The following RUFY3 variants were observed in gnomAD, a reference collection of about 807,000 sequenced individuals.
The protein encoded by RUFY3 is RUN and FYVE domain containing 3, also known as protein RUFY3.
RUFY3 carries 34 observed loss-of-function variants against 84.0 expected under a neutral mutation model. The observed-to-expected ratio is 0.40, with a 90% CI of 0.31 to 0.54. The LOEUF (loss-of-function observed/expected upper bound fraction) is 0.54, where lower values mean the gene tolerates loss of function less well. Among genes scored for constraint, RUFY3 ranks in the 20% least tolerant of loss-of-function variants. The pLI is 0.39. For missense variants in RUFY3, 507 were observed against 736.8 expected, an observed-to-expected ratio of 0.69 and a Z score of 3.61; for synonymous variants, 242 against 252.9, an observed-to-expected ratio of 0.96 and a Z score of 0.41.
At chr4:70,726,042 G>C (rs1172942806) in intron 1 of RUFY3, among the ~76,000 whole-genome samples, 2 of 152,232 alleles carry the variant, frequency 1.3e-5, no homozygotes, top group African/African-American at 2.4e-5. Context: ...TCTGGCAACA[G>C]TGTAGTGAAT....
intron 7 of RUFY3, 90 bp downstream of exon 7, chr4:70,775,323 C>T: frequency 1.2e-6 from 1 of 804,564 alleles, no homozygotes; most frequent in South Asian, 2.0e-5. Context: ...TAAATTCAGA[C>T]AGTGTTCAAC....
At chr4:70,804,761 C>CAAAA (rs1186156048) in intron 17 of RUFY3, among the ~76,000 whole-genome samples, 3 of 76,848 alleles carry the variant, frequency 3.9e-5, no homozygotes, top group South Asian at 4.1e-4. Context: ...ACTAAAAATA[C>CAAAA]AAAAAAAAAA....
chr4:70,806,455 T>G (rs1732858474), intron 17 of RUFY3, 61 bp from the exon 18 acceptor site: 3 of 1,587,470 alleles, frequency 1.9e-6, no homozygotes, highest in Admixed American at 3.4e-5. Flanking sequence ...GCTTTTTATA[T>G]CCCATGAATC....
chr4:70,751,611 G>A (rs1723144598), intron 1 of RUFY3, among the ~76,000 whole-genome samples: 1 of 152,006 alleles, frequency 6.6e-6, no homozygotes, highest in South Asian at 2.1e-4. Context: ...TTTCTCTTCT[G>A]TTGTTAAATC....
chr4:70,793,300 T>C (rs1731094225), intron 12 of RUFY3: 1 of 999,132 alleles, frequency 1.0e-6, no homozygotes, highest in South Asian at 4.4e-5. Context: ...TATATGTGGT[T>C]TGGGGGAAAG....
intron 1 of RUFY3, among the ~76,000 whole-genome samples, chr4:70,746,146 C>T (rs1381568265): frequency 1.3e-5 from 2 of 152,074 alleles, no homozygotes; most frequent in Non-Finnish European, 2.9e-5. Flanking sequence ...GAGTTCAAGG[C>T]CAGCCTGGGC....
At chr4:70,737,982 CTTTTT>C (rs747096904) in intron 1 of RUFY3, among the ~76,000 whole-genome samples, 5 of 121,272 alleles carry the variant, frequency 4.1e-5, no homozygotes, top group African/African-American at 9.7e-5. Flanking sequence ...CTATTAATTC[CTTTTT>C]TTTTTTTTTT....
chr4:70,774,865 A>T (rs549422685), intron 6 of RUFY3, among the ~76,000 whole-genome samples: 1 of 151,642 alleles, frequency 6.6e-6, no homozygotes, highest in Non-Finnish European at 1.5e-5. Context: ...TAACAAGAAA[A>T]TTTTTATCCT....
rs143779018 is a variant in RUFY3 at position 70,742,546 on chromosome 4, A to G, written c.178+19795A>G. On this transcript the variant is annotated intron_variant, in intron 1 of 17. Transcript: ENST00000381006. ...CTTCAGTCCTTATGGGATTTCCACA[A>G]TTTACTCTTTGACAGCTTTGGCCCA... Among the ~76,000 whole-genome samples the G allele has an allele frequency of 2.6e-3, 392 of 152,192 alleles. 1 individual carries two copies. The highest frequency in any genetic ancestry group is 4.4e-3 in the Non-Finnish European group (302 of 68,000).
chr4:70,741,757 C>A, intron 1 of RUFY3: 1 of 1,107,096 alleles, frequency 9.0e-7, no homozygotes, highest in Non-Finnish European at 1.2e-6. Flanking sequence ...AATTGTTTTC[C>A]GTAAGAGGAA....
intron 14 of RUFY3, among the ~76,000 whole-genome samples, chr4:70,796,064 T>C (rs1247375563): frequency 1.3e-5 from 2 of 152,176 alleles, no homozygotes; most frequent in Non-Finnish European, 2.9e-5. Flanking sequence ...TGGTGGCACA[T>C]GCCTCTAGTC....
At chr4:70,799,319 A>C (rs2616456) in intron 14 of RUFY3, 26,371 of 151,994 alleles carry the variant, frequency 0.17, 4,664 homozygotes, top group African/African-American at 0.45. Flanking sequence ...ACGGGTGGAT[A>C]ATTTGAGGTC....
rs142944533 is a variant in RUFY3, at chr4:70,781,216, G to A, written c.895-1875G>A. Among the ~76,000 whole-genome samples, 174 of 152,284 alleles carry A rather than the reference G, an allele frequency of 1.1e-3. 1 individual carries two copies. Among genetic ancestry groups the A allele is most frequent in the African/African-American group, 4.0e-3 (165 of 41,568 alleles). ...ATATCCACTTCAGGCCTGGCACAGT[G>A]ACTCACACCTGTAATCCCAGCCCTT... is the stretch of plus-strand genomic sequence containing the variant. On this transcript the variant is annotated intron_variant, in intron 8 of 17. Transcript: ENST00000381006.
intron 1 of RUFY3, among the ~76,000 whole-genome samples, chr4:70,709,107 A>G (rs1346638459): frequency 4.6e-5 from 7 of 152,218 alleles, no homozygotes; most frequent in African/African-American, 7.2e-5. Flanking sequence ...AGGGTTTGTC[A>G]CATGAATTGT....
chr4:70,800,724 G>T lies in RUFY3; in HGVS notation c.1622+519G>T, dbSNP rs992183064. On this transcript the variant is annotated intron_variant, in intron 15 of 17. Transcript: ENST00000381006. ...ATGGTGAAACCCGGTCTCTACTAAC[G>T]ATACAAAATTAGTCGGGTCTGGTGG... 2.0e-5 allele frequency among the ~76,000 whole-genome samples: 3 copies of T among 151,932 alleles called. No individual in the cohort carries two copies. The South Asian group carries it at 6.2e-4, about 32-fold the overall frequency.
chr4:70,778,288 A>G (rs964508370), intron 7 of RUFY3, 81 bp from the exon 8 acceptor site: 42 of 589,506 alleles, frequency 7.1e-5, no homozygotes, highest in Non-Finnish European at 6.1e-5. Flanking sequence ...AATGAAGGAT[A>G]AGTGTGAAGG....
chr4:70,761,841 T>A (rs1725083841), intron 1 of RUFY3, among the ~76,000 whole-genome samples: 1 of 152,252 alleles, frequency 6.6e-6, no homozygotes, highest in South Asian at 2.1e-4. Context: ...AAAGTTTGTT[T>A]AAGCCCTTTA....
At chr4:70,742,495 C>A (rs1282509020) in intron 1 of RUFY3, among the ~76,000 whole-genome samples, 1 of 152,162 alleles carries the variant, frequency 6.6e-6, no homozygotes, top group East Asian at 1.9e-4. Flanking sequence ...ATACCCTTCC[C>A]CCTCCGCCTG....
chr4:70,769,158 G>A (rs748424547), intron 5 of RUFY3, among the ~76,000 whole-genome samples: 1 of 152,166 alleles, frequency 6.6e-6, no homozygotes, highest in South Asian at 2.1e-4. Flanking sequence ...ACCAGCCTGG[G>A]CAACATAGTG....
Sources: allele counts gnomAD v4.1 joint callset (sites outside exome capture counted in the v4.1 genomes callset), GRCh38; gene constraint gnomAD v4.1.1; transcripts MANE v1.5; gene names NCBI Gene and HGNC (gene_info 2026-07-23, HGNC 2026-07-21).